The following KLF11 variants were observed in gnomAD, a reference collection of about 807,000 sequenced individuals.
The protein encoded by KLF11 is KLF transcription factor 11.
A neutral mutation model predicts 29.9 loss-of-function variants in KLF11; 26 were observed. That is an observed-to-expected ratio of 0.87 (90% CI 0.64 to 1.21). The LOEUF (loss-of-function observed/expected upper bound fraction) is 1.21. Ranked by LOEUF, KLF11 falls within the 50% of genes most tolerant of loss-of-function variation. The probability of loss-of-function intolerance (pLI) is 0.00; values close to 1 mark genes in which losing one functional copy is unlikely to be tolerated. For synonymous variants in KLF11, 318 were observed against 257.4 expected (o/e 1.24, Z -2.25); for missense variants, 778 against 665.7 (o/e 1.17, Z -1.86).
In KLF11 at chr2:10,052,402, G is replaced by T. The variant is rs760614778; in HGVS notation, c.1434G>T (p.Thr478=). The T allele has an allele frequency of 6.2e-7, 1 of 1,614,142 alleles. No homozygotes were observed. The highest frequency in any genetic ancestry group is 8.5e-7 in the Non-Finnish European group (1 of 1,180,032). The change falls in exon 4 of 4, where the codon ACG becomes ACT. Residue 478 remains threonine, a synonymous_variant. Transcript: ENST00000305883. ...CGAAGCATGCCCGGCGCCACATGAC[G>T]ACCAAGAAGATCCCAGGCTGGCAGG... ...HLTKHARRHM[T]TKKIPGWQAE...
intron 1 of KLF11, chr2:10,044,002 C>G (rs1202157181): frequency 2.5e-6 from 2 of 789,246 alleles, no homozygotes; most frequent in Non-Finnish European, 3.1e-6. Flanking sequence ...CTTGCGCTTC[C>G]TGGGCGGCCC....
intron 2 of KLF11, 119 bp downstream of exon 2, chr2:10,046,538 C>T (rs529740048): frequency 2.7e-6 from 3 of 1,123,424 alleles, no homozygotes; most frequent in East Asian, 2.4e-5. Context: ...TGCGTATCCT[C>T]TCTGTGTGGG....
rs757875185 is a variant in KLF11, at chr2:10,052,364, A to T, written c.1396A>T (p.Ser466Cys). Residue 466 changes from serine to cysteine, a missense_variant, in exon 4 of 4, where the codon AGT (serine) becomes TGT (cysteine). Ser to Cys is a moderately radical substitution (Grantham distance 112). Coordinates refer to ENST00000305883, the MANE Select transcript of KLF11 (RefSeq NM_003597.5). The part of the protein sequence containing the change: ...CPVCDRRFMR[S>C]DHLTKHARRH... ...GGTGTGTGACCGACGTTTCATGCGC[A>T]GTGACCACCTGACGAAGCATGCCCG... The T allele has an allele frequency of 7.6e-5, 123 of 1,613,986 alleles. No homozygotes were observed. Among genetic ancestry groups the T allele is most frequent in the Non-Finnish European group, 1.0e-4 (118 of 1,180,032 alleles).
chr2:10,044,057 G>A lies in KLF11; in HGVS notation c.42+299G>A, dbSNP rs1360171856. 8.6e-6 allele frequency: 6 copies of A among 695,294 alleles called. No individual in the cohort carries two copies. The African/African-American group carries it at 1.2e-4, about 14-fold the overall frequency. The allele number at this position is 695,294 out of a possible 1,614,324, so 43.1% of individuals were successfully genotyped here. On this transcript the variant is annotated intron_variant, in intron 1 of 3. Coordinates refer to ENST00000305883, the MANE Select transcript of KLF11 (RefSeq NM_003597.5). ...CTATTTCCAGCCATGACGTCACCCC[G>A]GTCCTGTGAGCCGGACGGCCGTTGG... is the stretch of plus-strand genomic sequence containing the variant.
chr2:10,044,159 G>A, intron 1 of KLF11: 1 of 159,942 alleles, frequency 6.3e-6, no homozygotes, highest in Non-Finnish European at 7.4e-6. Context: ...ACGCGGCACG[G>A]TTTTGGGGGC....
In KLF11 at chr2:10,048,297, G is replaced by A. The variant is rs1221802242; in HGVS notation, c.960G>A (p.Gln320=). 1 of 1,600,884 alleles carries A rather than the reference G, an allele frequency of 6.2e-7. No homozygotes were observed. The highest frequency in any genetic ancestry group is 1.3e-5 in the African/African-American group (1 of 74,812). The change falls in exon 3 of 4, where the codon CAG becomes CAA. Residue 320 remains glutamine (Q), a synonymous_variant. Transcript: ENST00000305883. ...GGACTGTGAGACCCATCCTAGCTCA[G>A]GCTGCTCCAGCGCCTCAACCTGTGT... is the stretch of plus-strand genomic sequence containing the variant. ...SVGTVRPILA[Q]AAPAPQPVFV...
chr2:10,047,733 A>T lies in KLF11; in HGVS notation c.396A>T (p.Ala132=). 6.2e-7 allele frequency: 1 copy of T among 1,613,680 alleles called. No individual in the cohort carries two copies. Among genetic ancestry groups the T allele is most frequent in the African/African-American group, 1.3e-5 (1 of 75,042 alleles). ...PVSPQVTDSK[A]CTATDVLQSS... Reference sequence around the variant, plus strand: ...CTCCCCAAGTAACAGATTCCAAAGCATGTACAGCCACGGATGTTCTCCAGT... The same window carrying T: ...CTCCCCAAGTAACAGATTCCAAAGCTTGTACAGCCACGGATGTTCTCCAGT... The change falls in exon 3 of 4, where the codon GCA becomes GCT. Residue 132 remains alanine (A), a synonymous_variant. Coordinates refer to ENST00000305883, the MANE Select transcript of KLF11 (RefSeq NM_003597.5).
intron 1 of KLF11, among the ~76,000 whole-genome samples, 182 bp from the exon 2 acceptor site, chr2:10,045,968 G>A (rs2125276940): frequency 6.6e-6 from 1 of 152,372 alleles, no homozygotes; most frequent in East Asian, 1.9e-4. Context: ...TGGCTTAAAA[G>A]CCGAATTGTC....
At chr2:10,043,847 G>T in intron 1 of KLF11, 89 bp downstream of exon 1, 1 of 1,259,954 alleles carries the variant, frequency 7.9e-7, no homozygotes, top group Non-Finnish European at 1.0e-6. Context: ...GCCTGTAAAT[G>T]CGGGAGGTGG....
In KLF11 at chr2:10,048,369, C is replaced by T. The variant is rs1336485170; in HGVS notation, c.1032C>T (p.Pro344=). 6.2e-7 allele frequency: 1 copy of T among 1,612,014 alleles called. No homozygotes were observed. Reference sequence around the variant, plus strand: ...AGGGAGCTGTGATGTTGGTCCTGCCCCAGGGAGCCCTCCCTCCGCCTGCCC... The same window carrying T: ...AGGGAGCTGTGATGTTGGTCCTGCCTCAGGGAGCCCTCCCTCCGCCTGCCC... The part of the protein sequence containing the change: ...VPQGAVMLVL[P]QGALPPPAPC... The change falls in exon 3 of 4, where the codon CCC becomes CCT. Residue 344 remains proline, a synonymous_variant. Coordinates refer to ENST00000305883, the MANE Select transcript of KLF11 (RefSeq NM_003597.5).
Position 10,053,508 on chromosome 2 carries a change from G to A in KLF11, c.*1001G>A, listed in dbSNP as rs1034995258. 1.1e-4 allele frequency: 42 copies of A among 398,392 alleles called. 1 individual carries two copies. In the East Asian group the frequency reaches 1.5e-3, roughly 14 times the overall value. 24.7% of individuals were successfully genotyped at this position (398,392 alleles called of 1,614,324 possible). ...GTATTGGTTGGATGAAACTCCACCA[G>A]AGCACAGCTTAGCTGGGGCGAGATG... On this transcript the variant is annotated 3_prime_UTR_variant, in exon 4 of 4. Coordinates refer to ENST00000305883, the MANE Select transcript of KLF11 (RefSeq NM_003597.5).
chr2:10,048,096 T>C lies in KLF11; in HGVS notation c.759T>C (p.Pro253=), dbSNP rs966402183. The change falls in exon 3 of 4, where the codon CCT becomes CCC. Residue 253 remains proline (P), a synonymous_variant. Transcript: ENST00000305883. ...LTDKGQQAGW[P]GAVQTCSPKN... ...ACAAAGGCCAGCAGGCAGGGTGGCC[T>C]GGTGCAGTTCAGACTTGCTCACCAA... is the stretch of plus-strand genomic sequence containing the variant. 3.1e-6 allele frequency: 5 copies of C among 1,614,124 alleles called. No individual in the cohort carries two copies.
intron 2 of KLF11, among the ~76,000 whole-genome samples, chr2:10,046,844 G>A (rs1432671881): frequency 2.6e-5 from 4 of 152,042 alleles, no homozygotes; most frequent in Non-Finnish European, 5.9e-5. Context: ...AACAGAGCGC[G>A]AGACCCCATC....
intron 1 of KLF11, 143 bp downstream of exon 1, chr2:10,043,901 CG>C: frequency 9.7e-7 from 1 of 1,028,032 alleles, no homozygotes; most frequent in Non-Finnish European, 1.2e-6. Context: ...GGGGCCTGGG[CG>C]GGCTCCGGAG....
At position 10,051,487 on chromosome 2, in the gene KLF11, G is replaced by A. The variant is rs189524426; in HGVS notation, c.1259-740G>A. Among the ~76,000 whole-genome samples the A allele has an allele frequency of 2.5e-3, 378 of 152,234 alleles. 1 individual carries two copies. Among genetic ancestry groups the A allele is most frequent in the Middle Eastern group, 0.014 (4 of 294 alleles). On this transcript the variant is annotated intron_variant, in intron 3 of 3. Coordinates refer to ENST00000305883, the MANE Select transcript of KLF11 (RefSeq NM_003597.5). ...CTCCCAAAATGCTGGGATTACAGGC[G>A]TGAGCCACCGTGCCCAGCTGGATGC...
rs765154301 is a variant in KLF11 at position 10,048,171 on chromosome 2, C to A, written c.834C>A (p.Val278=). 3.7e-5 allele frequency: 59 copies of A among 1,614,082 alleles called. No individual in the cohort carries two copies. Among genetic ancestry groups the A allele is most frequent in the Admixed American group, 6.7e-5 (4 of 60,008 alleles). ...GGAAAACCACCCCTCTGATTTCTGTCTCTGTCCCTGCTCCCCCTGTCCTTT... is the reference window on the plus strand; with the variant it reads ...GGAAAACCACCCCTCTGATTTCTGTATCTGTCCCTGCTCCCCCTGTCCTTT... The part of the protein sequence containing the change: ...LPRKTTPLIS[V]SVPAPPVLCQ... Residue 278 remains valine (V), a synonymous_variant, in exon 3 of 4, where the codon GTC becomes GTA. Coordinates refer to ENST00000305883, the MANE Select transcript of KLF11 (RefSeq NM_003597.5).
chr2:10,044,277 C>G, intron 1 of KLF11: 2 of 983,296 alleles, frequency 2.0e-6, no homozygotes, highest in South Asian at 9.5e-5. Context: ...GCGGGAGCGC[C>G]GCACTGCCTT....
intron 1 of KLF11, chr2:10,044,335 G>A: frequency 2.0e-6 from 2 of 985,760 alleles, no homozygotes; most frequent in Non-Finnish European, 2.4e-6. Flanking sequence ...GCGAGCGTTG[G>A]GGGCCCTAAG....
At chr2:10,044,251 G>C in intron 1 of KLF11, 1 of 979,118 alleles carries the variant, frequency 1.0e-6, no homozygotes, top group Non-Finnish European at 1.2e-6. Context: ...TCTAGGGGCC[G>C]GGGCAACGAC....
Sources: gnomAD v4.1 joint callset for allele counts (sites outside exome capture counted in the v4.1 genomes callset) on GRCh38, gnomAD v4.1.1 for gene constraint, MANE v1.5 for transcripts, NCBI Gene and HGNC (gene_info 2026-07-23, HGNC 2026-07-21) for gene names.